The following TMEFF2 variants were observed in gnomAD, a reference collection of about 807,000 sequenced individuals.
TMEFF2 encodes the protein transmembrane protein with EGF like and two follistatin like domains 2, also known as tomoregulin-2.
A neutral mutation model predicts 53.8 loss-of-function variants in TMEFF2; 28 were observed. The ratio of observed to expected loss-of-function variants is 0.52; its 90% CI spans 0.39 to 0.71. TMEFF2 has a LOEUF of 0.71. TMEFF2 is among the 30% of genes least tolerant of loss of function. TMEFF2 has a pLI of 0.00. For synonymous variants in TMEFF2, 162 were observed against 166.3 expected (o/e 0.97, Z 0.20); for missense variants, 353 against 455.2 (o/e 0.78, Z 2.04).
intron 4 of TMEFF2, among the ~76,000 whole-genome samples, chr2:192,087,612 C>G (rs1054018751): frequency 6.6e-6 from 1 of 152,072 alleles, no homozygotes. Context: ...CATGTTACCA[C>G]AGTGAAATTA....
intron 5 of TMEFF2, among the ~76,000 whole-genome samples, chr2:192,045,807 T>A (rs541791003): frequency 4.6e-4 from 70 of 152,332 alleles, no homozygotes; most frequent in African/African-American, 1.7e-3. Flanking sequence ...ATTGGACTGC[T>A]TCCATCATGG....
At chr2:192,171,967 C>G (rs1008041257) in intron 4 of TMEFF2, among the ~76,000 whole-genome samples, 15 of 128,482 alleles carry the variant, frequency 1.2e-4, no homozygotes, top group Non-Finnish European at 2.5e-4. Context: ...CAATGTCCAC[C>G]TTCTTCCCTC....
chr2:192,064,415 G>C (rs548031835), intron 4 of TMEFF2, among the ~76,000 whole-genome samples: 1 of 151,594 alleles, frequency 6.6e-6, no homozygotes, highest in African/African-American at 2.4e-5. Context: ...CTACTCTTTT[G>C]TGTTAATTTC....
intron 4 of TMEFF2, among the ~76,000 whole-genome samples, chr2:192,115,260 A>G (rs1689376091): frequency 6.6e-6 from 1 of 152,044 alleles, no homozygotes; most frequent in Non-Finnish European, 1.5e-5. Context: ...AGAACAGAAT[A>G]GAAAGCCAAG....
chr2:192,010,427 A>G (rs968540057), intron 5 of TMEFF2, among the ~76,000 whole-genome samples: 2 of 152,204 alleles, frequency 1.3e-5, no homozygotes, highest in African/African-American at 4.8e-5. Flanking sequence ...TTTAAAAAGT[A>G]AGAAAGGAAA....
At chr2:192,103,582 C>T (rs1689082081) in intron 4 of TMEFF2, among the ~76,000 whole-genome samples, 1 of 152,002 alleles carries the variant, frequency 6.6e-6, no homozygotes, top group Non-Finnish European at 1.5e-5. Flanking sequence ...TGAGTTCTGA[C>T]TCAGTATCTA....
chr2:191,967,603 A>AGT (rs1435667532), intron 7 of TMEFF2, among the ~76,000 whole-genome samples: 3 of 152,024 alleles, frequency 2.0e-5, no homozygotes, highest in Non-Finnish European at 2.9e-5. Context: ...ACGTGCAAAT[A>AGT]GTGTGCAGCC....
chr2:192,047,882 T>C (rs970297934), intron 5 of TMEFF2, among the ~76,000 whole-genome samples: 1 of 152,164 alleles, frequency 6.6e-6, no homozygotes, highest in Admixed American at 6.5e-5. Flanking sequence ...ACACATACAA[T>C]ATATTACTAT....
At chr2:191,974,612 A>G (rs985899611) in intron 7 of TMEFF2, among the ~76,000 whole-genome samples, 3 of 152,126 alleles carry the variant, frequency 2.0e-5, no homozygotes, top group African/African-American at 7.2e-5. Flanking sequence ...TCTTTTTACT[A>G]TGTATATATT....
In TMEFF2 at chr2:192,194,834, G is replaced by C. The variant is rs998842105; in HGVS notation, c.-310C>G. ...GAGGACAGGAGGAGACGGGAGTCCA[G>C]GGGCAGACGAGTGGAGCCCGAGGAG... On this transcript the variant is annotated 5_prime_UTR_variant, in exon 1 of 10. Coordinates refer to ENST00000272771, the MANE Select transcript of TMEFF2 (RefSeq NM_016192.4). The surrounding 1 kb of genome is among the most constrained non-coding windows in gnomAD (Gnocchi z 4.2). The C allele has an allele frequency of 5.2e-6, 2 of 381,638 alleles. No individual in the cohort carries two copies. The highest frequency in any genetic ancestry group is 2.1e-5 in the African/African-American group (1 of 47,878). The allele number at this position is 381,638 out of a possible 1,614,324, so 23.6% of individuals were successfully genotyped here.
intron 5 of TMEFF2, chr2:192,035,411 G>A (rs1026702380): frequency 6.6e-6 from 1 of 152,150 alleles, no homozygotes; most frequent in Non-Finnish European, 1.5e-5. Flanking sequence ...TTTGGAGGTA[G>A]GAAATTGGAA....
rs184977333 is a variant in TMEFF2 at position 192,128,905 on chromosome 2, G to A, written c.439+50763C>T. ...GCGGCGCATTTTGGCTTCCCCCGGG[G>A]AGGTAGCAAAACTCTCCAGTGTGTG... On this transcript the variant is annotated intron_variant, in intron 4 of 9. Transcript: ENST00000272771. Among the ~76,000 whole-genome samples, 487 of 151,722 alleles carry A rather than the reference G, an allele frequency of 3.2e-3. 3 individuals are homozygous for A. The highest frequency in any genetic ancestry group is 0.014 in the Middle Eastern group (4 of 294).
chr2:192,087,809 C>T (rs1457340728), intron 4 of TMEFF2, among the ~76,000 whole-genome samples: 1 of 152,030 alleles, frequency 6.6e-6, no homozygotes, highest in African/African-American at 2.4e-5. Flanking sequence ...CTGTTGACTC[C>T]TCTGTTAATA....
intron 3 of TMEFF2, among the ~76,000 whole-genome samples, chr2:192,182,786 A>G (rs1412890306): frequency 2.0e-5 from 3 of 151,980 alleles, no homozygotes; most frequent in Admixed American, 1.3e-4. Flanking sequence ...ATTTGCCTTC[A>G]TCCTTCCTGG....
intron 4 of TMEFF2, among the ~76,000 whole-genome samples, chr2:192,170,370 A>G (rs1690878025): frequency 6.6e-6 from 1 of 152,096 alleles, no homozygotes; most frequent in African/African-American, 2.4e-5. Flanking sequence ...CAATGCCCAC[A>G]AGAACATGCA....
chr2:191,978,629 T>C (rs553848243), intron 7 of TMEFF2, among the ~76,000 whole-genome samples: 13 of 152,132 alleles, frequency 8.5e-5, no homozygotes, highest in Non-Finnish European at 1.8e-4. Flanking sequence ...TAGAAGCTTA[T>C]TTTCTCAGCC....
intron 5 of TMEFF2, among the ~76,000 whole-genome samples, chr2:192,009,687 A>C (rs556196234): frequency 4.2e-4 from 64 of 152,210 alleles, no homozygotes; most frequent in Non-Finnish European, 6.6e-4. Context: ...AATATAATAG[A>C]AATATTTATA....
At chr2:191,997,799 A>G (rs1344796962) in intron 7 of TMEFF2, among the ~76,000 whole-genome samples, 1 of 151,838 alleles carries the variant, frequency 6.6e-6, no homozygotes, top group Non-Finnish European at 1.5e-5. Flanking sequence ...CTATACATAC[A>G]TTTTTAACTT....
intron 4 of TMEFF2, among the ~76,000 whole-genome samples, chr2:192,120,819 C>A (rs935491408): frequency 6.6e-6 from 1 of 152,076 alleles, no homozygotes; most frequent in Non-Finnish European, 1.5e-5. Context: ...TCACCACAAC[C>A]TCCGCCTCCC....
Sources: allele counts gnomAD v4.1 joint callset (sites outside exome capture counted in the v4.1 genomes callset), GRCh38; gene constraint gnomAD v4.1.1; non-coding constraint Gnocchi (gnomAD v3.1); transcripts MANE v1.5; gene names NCBI Gene and HGNC (gene_info 2026-07-23, HGNC 2026-07-21).